Variants in VPS13D observed in about 807,000 individuals in gnomAD.
VPS13D encodes the protein intermembrane lipid transfer protein VPS13D.
A neutral mutation model predicts 461.9 loss-of-function variants in VPS13D; 187 were observed. The observed-to-expected ratio is 0.40, with a 90% CI of 0.36 to 0.46. VPS13D has a LOEUF of 0.46. Among genes scored for constraint, VPS13D ranks in the 20% least tolerant of loss-of-function variants. The probability of loss-of-function intolerance (pLI) is 0.60; values close to 1 mark genes in which losing one functional copy is unlikely to be tolerated. For missense variants in VPS13D, 4,711 were observed against 5,364.9 expected (o/e 0.88, Z 3.81); for synonymous variants, 1,951 against 1,986.3 (o/e 0.98, Z 0.47).
intron 66 of VPS13D, among the ~76,000 whole-genome samples, chr1:12,457,796 C>T (rs76959711): frequency 0.01 from 1,547 of 152,296 alleles, 31 homozygotes; most frequent in African/African-American, 0.035. Flanking sequence ...GGAGCTGTCC[C>T]TAAGGAGACG....
At chr1:12,493,114 A>G (rs1186794640) in intron 67 of VPS13D, among the ~76,000 whole-genome samples, 1 of 151,164 alleles carries the variant, frequency 6.6e-6, no homozygotes, top group East Asian at 1.9e-4. Context: ...TCAAATAAAT[A>G]AAGAGAGCCC....
chr1:12,387,373 A>G (rs189520037), intron 60 of VPS13D, among the ~76,000 whole-genome samples: 5 of 152,384 alleles, frequency 3.3e-5, no homozygotes, highest in Admixed American at 1.3e-4. Context: ...CCAACAAGGT[A>G]AAATTCACAA....
intron 63 of VPS13D, among the ~76,000 whole-genome samples, chr1:12,410,133 C>T (rs1395413433): frequency 6.6e-6 from 1 of 152,152 alleles, no homozygotes; most frequent in Non-Finnish European, 1.5e-5. Flanking sequence ...AAACAAACCC[C>T]AATAATCTGA....
chr1:12,269,113 G>T (rs1014972161), intron 16 of VPS13D, among the ~76,000 whole-genome samples: 2 of 152,034 alleles, frequency 1.3e-5, no homozygotes, highest in East Asian at 1.9e-4. Flanking sequence ...TCCATTTAGC[G>T]TGTATTTTTT....
At chr1:12,397,285 CAT>C (rs1644512776) in intron 60 of VPS13D, among the ~76,000 whole-genome samples, 1 of 152,172 alleles carries the variant, frequency 6.6e-6, no homozygotes, top group African/African-American at 2.4e-5. Flanking sequence ...TGCTGCAAAT[CAT>C]AGAAAATAAT....
chr1:12,311,601 T>C lies in VPS13D; in HGVS notation c.6798T>C (p.Tyr2266=), dbSNP rs1435216262. 6.2e-7 allele frequency: 1 copy of C among 1,614,204 alleles called. No individual in the cohort carries two copies. ...GEPIEEFMRP[Y]DLQDPRIHTV... The stretch of plus-strand genomic sequence containing the variant: ...CCATAGAGGAATTTATGCGGCCTTA[T>C]GATTTACAAGATCCAAGAATTCATG... The change falls in exon 28 of 70, where the codon TAT becomes TAC. Residue 2266 remains tyrosine, a synonymous_variant. Transcript: ENST00000620676.
rs577843925 is a variant in VPS13D at position 12,505,870 on chromosome 1, G to A, written c.12795-983G>A. Among the ~76,000 whole-genome samples, 6 of 152,314 alleles carry A rather than the reference G, an allele frequency of 3.9e-5. No homozygotes were observed. Among genetic ancestry groups the A allele is most frequent in the African/African-American group, 1.4e-4 (6 of 41,570 alleles). The stretch of plus-strand genomic sequence containing the variant: ...GAGGGCCCGGCAGCCTGCTCCCCTC[G>A]ACAGGCAGGCCACCTCCTGCCCCCA... On this transcript the variant is annotated intron_variant, in intron 68 of 69. Transcript: ENST00000620676. The surrounding 1 kb of genome is among the most constrained non-coding windows in gnomAD (Gnocchi z 4.2).
chr1:12,499,389 A>T (rs370206567), intron 68 of VPS13D: 1 of 900,616 alleles, frequency 1.1e-6, no homozygotes, highest in East Asian at 1.2e-4. Context: ...TGAGATTATA[A>T]ATTATTGCAT....
intron 65 of VPS13D, among the ~76,000 whole-genome samples, chr1:12,438,447 T>A (rs11121908): frequency 6.6e-6 from 1 of 152,200 alleles, no homozygotes; most frequent in East Asian, 1.9e-4. Context: ...TTCTGCTGTT[T>A]GTAAGCCACT....
chr1:12,327,784 G>C lies in VPS13D; in HGVS notation c.8127G>C (p.Glu2709Asp), dbSNP rs766056694. 1 of 1,614,182 alleles carries C rather than the reference G, an allele frequency of 6.2e-7. No individual in the cohort carries two copies. The highest frequency in any genetic ancestry group is 8.5e-7 in the Non-Finnish European group (1 of 1,180,036). ...PLISGVEIKAESVCICFIDDC... is the reference protein window; with the variant it reads ...PLISGVEIKADSVCICFIDDC... ...TCTCTGGCGTGGAGATCAAAGCTGA[G>C]AGTGTGTGCATCTGTTTCATCGATG... Residue 2709 changes from glutamate (E) to aspartate (D), a missense_variant, in exon 36 of 70, where the codon GAG becomes GAC. Glu to Asp is a conservative substitution (Grantham distance 45). Transcript: ENST00000620676.
At chr1:12,440,967 C>T (rs1645123116) in intron 65 of VPS13D, among the ~76,000 whole-genome samples, 1 of 151,828 alleles carries the variant, frequency 6.6e-6, no homozygotes, top group Non-Finnish European at 1.5e-5. Flanking sequence ...CTCTTGTCAC[C>T]CAGGGTGGAG....
intron 60 of VPS13D, among the ~76,000 whole-genome samples, chr1:12,393,979 AAATC>A: frequency 6.6e-6 from 1 of 152,280 alleles, no homozygotes; most frequent in East Asian, 1.9e-4. Context: ...GGGTCCCCTG[AAATC>A]AACGTCAGCT....
At chr1:12,368,199 G>A (rs376282915) in intron 52 of VPS13D, among the ~76,000 whole-genome samples, 4 of 152,134 alleles carry the variant, frequency 2.6e-5, no homozygotes, top group South Asian at 4.1e-4. Flanking sequence ...ATACATACAC[G>A]TACATTACAT....
intron 50 of VPS13D, among the ~76,000 whole-genome samples, chr1:12,362,265 C>T (rs1643962186): frequency 6.6e-6 from 1 of 152,192 alleles, no homozygotes; most frequent in Non-Finnish European, 1.5e-5. Flanking sequence ...TAGAACATTA[C>T]AGAATCCAAG....
chr1:12,397,524 G>T (rs1261263508), intron 60 of VPS13D, among the ~76,000 whole-genome samples: 2 of 152,160 alleles, frequency 1.3e-5, no homozygotes, highest in Non-Finnish European at 2.9e-5. Flanking sequence ...GGATGAGATA[G>T]GTAATGATTC....
chr1:12,254,235 C>G (rs1640836184), intron 7 of VPS13D, among the ~76,000 whole-genome samples: 1 of 151,990 alleles, frequency 6.6e-6, no homozygotes, highest in Non-Finnish European at 1.5e-5. Context: ...GAGATGGGGT[C>G]TCACTCTGTT....
intron 66 of VPS13D, among the ~76,000 whole-genome samples, 153 bp from the exon 67 acceptor site, chr1:12,460,048 A>T (rs1645388943): frequency 6.7e-6 from 1 of 149,842 alleles, no homozygotes; most frequent in Non-Finnish European, 1.5e-5. Context: ...AATCTGCAGG[A>T]TCCTCTTCTG....
chr1:12,253,838 G>T lies in VPS13D; in HGVS notation c.669+12G>T. The T allele has an allele frequency of 6.2e-7, 1 of 1,610,954 alleles. No homozygotes were observed. The highest frequency in any genetic ancestry group is 1.7e-5 in the Admixed American group (1 of 59,924). On this transcript the variant is annotated intron_variant, in intron 7 of 69. Coordinates refer to ENST00000620676, the MANE Select transcript of VPS13D (RefSeq NM_015378.4). ...AGATGGAGTTACAGGTACGATTTCG[G>T]CAGGGAGATTTGTTGCAAGACAGCA...
At chr1:12,363,891 TGTGGTGAG>T (rs1643989750) in intron 52 of VPS13D, among the ~76,000 whole-genome samples, 1 of 143,410 alleles carries the variant, frequency 7.0e-6, no homozygotes, top group South Asian at 2.2e-4. Context: ...AGGCGGAGGT[TGTGGTGAG>T]CTCAGATCAC....
Sources: allele counts gnomAD v4.1 joint callset (sites outside exome capture counted in the v4.1 genomes callset), GRCh38; gene constraint gnomAD v4.1.1; non-coding constraint Gnocchi (gnomAD v3.1); transcripts MANE v1.5; gene names NCBI Gene and HGNC (gene_info 2026-07-23, HGNC 2026-07-21).